The following FSTL4 variants were observed in gnomAD, a reference collection of about 807,000 sequenced individuals.
FSTL4 encodes the protein follistatin like 4, also known as follistatin-related protein 4.
Under a neutral mutation model 78.2 loss-of-function variants are expected in FSTL4, and 28 were observed. The observed-to-expected ratio is 0.36, with a 90% confidence interval of 0.27 to 0.49. FSTL4 has a LOEUF of 0.49. Among genes scored for constraint, FSTL4 ranks in the 20% least tolerant of loss-of-function variants. FSTL4 has a pLI of 0.98. For missense variants in FSTL4, 922 were observed against 1,084.9 expected, an observed-to-expected ratio of 0.85 and a Z score of 2.11; for synonymous variants, 422 against 440.5, an observed-to-expected ratio of 0.96 and a Z score of 0.53.
chr5:133,240,657 T>G (rs888000723), intron 7 of FSTL4, among the ~76,000 whole-genome samples: 1 of 152,204 alleles, frequency 6.6e-6, no homozygotes, highest in Non-Finnish European at 1.5e-5. Context: ...GGGGAGGCCC[T>G]TATCTCTTAG....
intron 3 of FSTL4, among the ~76,000 whole-genome samples, chr5:133,463,576 GA>G (rs753372383): frequency 3.5e-4 from 53 of 152,190 alleles, no homozygotes; most frequent in Non-Finnish European, 6.8e-4. Context: ...CAAGGCAGGG[GA>G]AATGGTCTGT....
chr5:133,784,643 T>A, the FSTL4 span, among the ~76,000 whole-genome samples: 2 of 151,900 alleles, frequency 1.3e-5, no homozygotes, highest in Non-Finnish European at 2.9e-5. Context: ...GTAAGTTGCA[T>A]CCCGGCTTCC....
chr5:133,764,565 C>T, the FSTL4 span, among the ~76,000 whole-genome samples: 2 of 151,924 alleles, frequency 1.3e-5, no homozygotes, highest in Non-Finnish European at 2.9e-5. Flanking sequence ...CAAAACAATG[C>T]ACCTAAGCAC....
At chr5:133,284,415 C>T (rs551457118) in intron 6 of FSTL4, among the ~76,000 whole-genome samples, 5 of 152,342 alleles carry the variant, frequency 3.3e-5, no homozygotes, top group African/African-American at 7.2e-5. Context: ...AAGACAGATG[C>T]CCCTCAGGGC....
At chr5:133,719,848 T>C in the FSTL4 span, among the ~76,000 whole-genome samples, 1 of 152,216 alleles carries the variant, frequency 6.6e-6, no homozygotes, top group Non-Finnish European at 1.5e-5. Context: ...AAATTGAAGA[T>C]GGCAGTATTC....
the FSTL4 span, among the ~76,000 whole-genome samples, chr5:133,751,944 G>T: frequency 6.6e-6 from 1 of 152,184 alleles, no homozygotes; most frequent in African/African-American, 2.4e-5. Context: ...TCACTGGCAG[G>T]TCAGCAACAT....
chr5:133,488,901 C>G (rs183123220), intron 3 of FSTL4, among the ~76,000 whole-genome samples: 1 of 152,070 alleles, frequency 6.6e-6, no homozygotes, highest in Non-Finnish European at 1.5e-5. Context: ...GGAGACTGCC[C>G]GTGAGAGATT....
At chr5:133,527,496 CA>C (rs1561457504) in intron 3 of FSTL4, among the ~76,000 whole-genome samples, 82 of 150,524 alleles carry the variant, frequency 5.4e-4, no homozygotes, top group Middle Eastern at 3.4e-3. Context: ...CACACACACA[CA>C]CACACCCATA....
At chr5:133,507,253 T>C (rs912547195) in intron 3 of FSTL4, among the ~76,000 whole-genome samples, 1 of 152,096 alleles carries the variant, frequency 6.6e-6, no homozygotes, top group African/African-American at 2.4e-5. Flanking sequence ...AATATAAATA[T>C]TAGTTTAGTT....
At chr5:133,742,614 C>T in the FSTL4 span, among the ~76,000 whole-genome samples, 4 of 152,146 alleles carry the variant, frequency 2.6e-5, no homozygotes, top group African/African-American at 9.6e-5. Context: ...GAAAGGTCCT[C>T]AGCTCTCGGA....
At chr5:133,390,393 A>G (rs1206380530) in intron 4 of FSTL4, among the ~76,000 whole-genome samples, 1 of 152,266 alleles carries the variant, frequency 6.6e-6, no homozygotes, top group Non-Finnish European at 1.5e-5. Flanking sequence ...TCTCTAGGAG[A>G]TGTCCAAACT....
intron 3 of FSTL4, among the ~76,000 whole-genome samples, chr5:133,402,814 A>T (rs1756265615): frequency 1.3e-5 from 2 of 152,218 alleles, no homozygotes; most frequent in Admixed American, 1.3e-4. Context: ...AAAAGTGCAG[A>T]TCCTAAGGAG....
chr5:133,816,801 C>T, the FSTL4 span, among the ~76,000 whole-genome samples: 1 of 152,222 alleles, frequency 6.6e-6, no homozygotes, highest in African/African-American at 2.4e-5. Context: ...GGCACTGACC[C>T]TTCCTCTCTT....
the FSTL4 span, among the ~76,000 whole-genome samples, chr5:133,668,547 T>A: frequency 6.6e-6 from 1 of 152,132 alleles, no homozygotes; most frequent in African/African-American, 2.4e-5. Context: ...ACTCTTGGGG[T>A]ATATTACAAA....
At chr5:133,652,791 A>G in the FSTL4 span, among the ~76,000 whole-genome samples, 3 of 152,308 alleles carry the variant, frequency 2.0e-5, no homozygotes, top group Middle Eastern at 3.4e-3. Flanking sequence ...TAACACTGAT[A>G]TCCAGACAGT....
At chr5:133,616,701 T>C (rs1325561452), upstream of FSTL4, among the ~76,000 whole-genome samples, 2 of 152,012 alleles carry the variant, frequency 1.3e-5, no homozygotes, top group South Asian at 2.1e-4. Context: ...CCTGGCTGGC[T>C]GAAGCTTCCA....
chr5:133,384,766 G>A (rs1268591046), intron 4 of FSTL4, among the ~76,000 whole-genome samples: 1 of 152,192 alleles, frequency 6.6e-6, no homozygotes, highest in African/African-American at 2.4e-5. Flanking sequence ...CTTGCATCCA[G>A]GAGAAAGTCC....
At chr5:133,836,279 A>C in the FSTL4 span, among the ~76,000 whole-genome samples, 1 of 151,990 alleles carries the variant, frequency 6.6e-6, no homozygotes, top group Non-Finnish European at 1.5e-5. Flanking sequence ...TATTTTCACT[A>C]TCTCATTTTT....
intron 4 of FSTL4, among the ~76,000 whole-genome samples, chr5:133,320,299 T>C (rs144697579): frequency 2.0e-5 from 3 of 152,128 alleles, no homozygotes; most frequent in Admixed American, 2.0e-4. Flanking sequence ...GTTACCAAAT[T>C]CCAGTTTTAT....
Sources: gnomAD v4.1 joint callset for allele counts (sites outside exome capture counted in the v4.1 genomes callset) on GRCh38, gnomAD v4.1.1 for gene constraint, MANE v1.5 for transcripts, NCBI Gene and HGNC (gene_info 2026-07-23, HGNC 2026-07-21) for gene names.